CATSPERD: variants seen among roughly 807,000 people sequenced by gnomAD.
CATSPERD encodes the protein cation channel sperm-associated auxiliary subunit delta.
In CATSPERD, 86 loss-of-function variants were observed where a neutral mutation model predicts 98.1. That is an observed-to-expected ratio of 0.88 (90% confidence interval 0.74 to 1.05). The LOEUF is 1.05. Ranked by LOEUF, CATSPERD falls within the 50% of genes least tolerant of loss-of-function variation. The pLI, the probability that CATSPERD is intolerant of heterozygous loss-of-function variation, is 0.00. For missense variants in CATSPERD, 995 were observed against 1,005.7 expected (o/e 0.99, Z 0.14); for synonymous variants, 394 against 390.2 (o/e 1.01, Z -0.12).
At chr19:5,734,831 G>A (rs1320720385) in intron 5 of CATSPERD, among the ~76,000 whole-genome samples, 3 of 151,872 alleles carry the variant, frequency 2.0e-5, no homozygotes, top group Admixed American at 6.6e-5. Context: ...GGACATCAGC[G>A]GGTCTTGGTG....
intron 5 of CATSPERD, 117 bp downstream of exon 5, chr19:5,734,087 C>G: frequency 1.6e-6 from 1 of 632,482 alleles, no homozygotes; most frequent in Non-Finnish European, 2.7e-6. Context: ...CAGGACATTA[C>G]TTTGTCCTTT....
At chr19:5,724,387 A>G (rs1423435330) in intron 1 of CATSPERD, among the ~76,000 whole-genome samples, 2 of 151,822 alleles carry the variant, frequency 1.3e-5, no homozygotes, top group East Asian at 3.9e-4. Flanking sequence ...AGGGCCTCCT[A>G]TAACCCGAAA....
In CATSPERD at chr19:5,737,492, A is replaced by G. The variant is rs139172164; in HGVS notation, c.459+287A>G. ...TTGAGCCCAGGAGATCGAGGCTGCA[A>G]TGAGCCGTGATTACACCACTGCACT... On this transcript the variant is annotated intron_variant, in intron 6 of 21. Coordinates refer to ENST00000381624, the MANE Select transcript of CATSPERD (RefSeq NM_152784.4). Among the ~76,000 whole-genome samples the G allele has an allele frequency of 6.0e-5, 9 of 149,714 alleles. No individual in the cohort carries two copies. In the South Asian group the frequency reaches 1.7e-3, roughly 29 times the overall value.
At chr19:5,726,990 G>A (rs897434425) in intron 2 of CATSPERD, among the ~76,000 whole-genome samples, 6 of 152,020 alleles carry the variant, frequency 3.9e-5, no homozygotes, top group Admixed American at 1.3e-4. Flanking sequence ...TCAGGAGATC[G>A]AGACCATCCT....
chr19:5,770,161 G>T (rs1599593079), intron 18 of CATSPERD, among the ~76,000 whole-genome samples: 1 of 150,848 alleles, frequency 6.6e-6, no homozygotes, highest in East Asian at 2.0e-4. Context: ...GGCGCAGTGG[G>T]TCACCCCTGT....
rs1490431724 is a variant in CATSPERD at position 5,727,352 on chromosome 19, G to A, written c.203+8G>A. The A allele has an allele frequency of 1.9e-6, 3 of 1,560,822 alleles. No individual in the cohort carries two copies. The highest frequency in any genetic ancestry group is 2.6e-6 in the Non-Finnish European group (3 of 1,132,090). On this transcript the variant is annotated splice_region_variant and intron_variant, in intron 3 of 21. Transcript: ENST00000381624. ...TATAGCACTATATCTAGGGTAAGTG[G>A]CAATTTTATGTACTGTTACCTTCCT... is the stretch of plus-strand genomic sequence containing the variant.
chr19:5,728,424 G>T (rs1053811396), intron 3 of CATSPERD, among the ~76,000 whole-genome samples: 3 of 151,592 alleles, frequency 2.0e-5, no homozygotes, highest in Admixed American at 1.3e-4. Flanking sequence ...GGGTGGCAGT[G>T]TGCACCTGTA....
Position 5,746,079 on chromosome 19 carries a change from C to A in CATSPERD, c.808+16C>A. On this transcript the variant is annotated intron_variant, in intron 9 of 21. Coordinates refer to ENST00000381624, the MANE Select transcript of CATSPERD (RefSeq NM_152784.4). ...CATAATGCAGGTGAGCCCAGGGGCC[C>A]AGGGTGGGGCTGCCGCCTGGTGGCC... 1 of 1,611,486 alleles carries A rather than the reference C, an allele frequency of 6.2e-7. No individual in the cohort carries two copies. Among genetic ancestry groups the A allele is most frequent in the Non-Finnish European group, 8.5e-7 (1 of 1,179,632 alleles).
At chr19:5,754,391 G>GTTT (rs1427621366) in intron 13 of CATSPERD, 146 bp downstream of exon 13, 16 of 273,694 alleles carry the variant, frequency 5.8e-5, no homozygotes, top group South Asian at 1.4e-4. Flanking sequence ...TTGTCTCTGT[G>GTTT]TCTTTTTTTT....
chr19:5,765,582 C>G (rs558081174), intron 16 of CATSPERD, among the ~76,000 whole-genome samples: 1 of 151,970 alleles, frequency 6.6e-6, no homozygotes, highest in East Asian at 1.9e-4. Context: ...GAGGCCCAGG[C>G]GGGTGGATCA....
intron 11 of CATSPERD, 37 bp downstream of exon 11, chr19:5,749,220 G>A (rs765593171): frequency 8.1e-6 from 12 of 1,488,716 alleles, no homozygotes; most frequent in East Asian, 4.7e-5. Flanking sequence ...GGCTGGGCAC[G>A]GTGGTTCACG....
chr19:5,727,704 T>C (rs901165517), intron 3 of CATSPERD, among the ~76,000 whole-genome samples: 2 of 152,054 alleles, frequency 1.3e-5, no homozygotes, highest in Non-Finnish European at 1.5e-5. Flanking sequence ...CAGATGTGTA[T>C]GGGCTTAGAG....
At chr19:5,732,526 G>C (rs534260782) in intron 4 of CATSPERD, among the ~76,000 whole-genome samples, 1 of 151,694 alleles carries the variant, frequency 6.6e-6, no homozygotes, top group Non-Finnish European at 1.5e-5. Context: ...TCCACCTCCC[G>C]AGTTCACACC....
At chr19:5,757,250 A>T (rs536285338) in intron 13 of CATSPERD, among the ~76,000 whole-genome samples, 4 of 151,888 alleles carry the variant, frequency 2.6e-5, no homozygotes, top group African/African-American at 9.7e-5. Context: ...ACTCCATCTC[A>T]AAAATAAAGA....
chr19:5,733,586 A>G (rs2055778826), intron 4 of CATSPERD, among the ~76,000 whole-genome samples: 2 of 151,716 alleles, frequency 1.3e-5, no homozygotes, highest in Admixed American at 1.3e-4. Context: ...CCTCTCAAGT[A>G]GCTCGGATTA....
chr19:5,761,441 A>C (rs192659391), intron 15 of CATSPERD, among the ~76,000 whole-genome samples: 4 of 151,570 alleles, frequency 2.6e-5, no homozygotes, highest in African/African-American at 4.9e-5. Flanking sequence ...GGATGGATGG[A>C]TGGCTGGCTG....
At chr19:5,778,203 G>A (rs1172898688) in intron 21 of CATSPERD, among the ~76,000 whole-genome samples, 173 bp from the exon 22 acceptor site, 2 of 124,488 alleles carry the variant, frequency 1.6e-5, no homozygotes, top group African/African-American at 3.5e-5. Context: ...GAGGGACTCC[G>A]ACTCAAAAAA....
At chr19:5,778,063 A>C (rs1435117131) in intron 21 of CATSPERD, among the ~76,000 whole-genome samples, 2 of 151,142 alleles carry the variant, frequency 1.3e-5, no homozygotes, top group Non-Finnish European at 2.9e-5. Flanking sequence ...AAAATTAGCC[A>C]GGCATGGTTG....
At chr19:5,721,970 G>T (rs996056970) in intron 1 of CATSPERD, among the ~76,000 whole-genome samples, 2 of 146,124 alleles carry the variant, frequency 1.4e-5, no homozygotes, top group African/African-American at 5.1e-5. Context: ...GACAAAGGGA[G>T]ACTCTGTCTC....
Sources: allele counts gnomAD v4.1 joint callset (sites outside exome capture counted in the v4.1 genomes callset), GRCh38; gene constraint gnomAD v4.1.1; transcripts MANE v1.5; gene names NCBI Gene and HGNC (gene_info 2026-07-23, HGNC 2026-07-21).